Variants in DST observed in about 807,000 individuals in gnomAD.
DST encodes dystonin.
A neutral mutation model predicts 875.2 loss-of-function variants in DST; 253 were observed. The ratio of observed to expected loss-of-function variants is 0.29; its 90% CI spans 0.26 to 0.32. DST has a LOEUF of 0.32. DST is among the 10% of genes least tolerant of loss of function. The pLI is 1.00. For missense variants in DST, 8,287 were observed against 9,111.6 expected, an observed-to-expected ratio of 0.91 and a Z score of 3.68; for synonymous variants, 3,124 against 3,197.1, an observed-to-expected ratio of 0.98 and a Z score of 0.77.
At chr6:56,807,006 C>A (rs930001978) in intron 4 of DST, among the ~76,000 whole-genome samples, 1 of 152,056 alleles carries the variant, frequency 6.6e-6, no homozygotes, top group African/African-American at 2.4e-5. Context: ...ATATATACTA[C>A]GTTCATAGAT....
At chr6:56,624,386 T>C in intron 36 of DST, 144 bp downstream of exon 36, 1 of 707,622 alleles carries the variant, frequency 1.4e-6, no homozygotes, top group Non-Finnish European at 2.6e-6. Flanking sequence ...TCATTGTAAT[T>C]TTATAATTCA....
At chr6:56,786,853 A>G (rs2099706466) in intron 4 of DST, among the ~76,000 whole-genome samples, 1 of 152,186 alleles carries the variant, frequency 6.6e-6, no homozygotes, top group Non-Finnish European at 1.5e-5. Flanking sequence ...AGAACCTAGG[A>G]AGTGCCAAGT....
intron 2 of DST, among the ~76,000 whole-genome samples, chr6:56,933,933 G>C (rs555383346): frequency 3.9e-4 from 59 of 152,198 alleles, no homozygotes; most frequent in Non-Finnish European, 7.8e-4. Context: ...AAGGAAACCA[G>C]ATAACAGGCT....
At chr6:56,528,248 A>G (rs79355514) in intron 67 of DST, among the ~76,000 whole-genome samples, 9,073 of 152,140 alleles carry the variant, frequency 0.06, 415 homozygotes, top group African/African-American at 0.13. Flanking sequence ...TTGATTCTAC[A>G]TTTAATTTCT....
chr6:56,789,817 T>C (rs890223571), intron 4 of DST, among the ~76,000 whole-genome samples: 1 of 152,252 alleles, frequency 6.6e-6, no homozygotes. Context: ...TTCCATTGTA[T>C]GTACATACGA....
At chr6:56,904,182 T>C (rs1321663929) in intron 2 of DST, among the ~76,000 whole-genome samples, 1 of 152,222 alleles carries the variant, frequency 6.6e-6, no homozygotes, top group Non-Finnish European at 1.5e-5. Context: ...CACAATAGTG[T>C]ATTATTCATA....
chr6:56,556,662 C>T (rs535400082), intron 59 of DST, among the ~76,000 whole-genome samples: 1 of 152,278 alleles, frequency 6.6e-6, no homozygotes, highest in Non-Finnish European at 1.5e-5. Context: ...AGTACTCAGA[C>T]ATTAAAAAAC....
intron 80 of DST, among the ~76,000 whole-genome samples, chr6:56,499,477 A>G (rs866204353): frequency 3.3e-5 from 5 of 152,152 alleles, no homozygotes; most frequent in African/African-American, 9.6e-5. Flanking sequence ...AGAGTTCTAT[A>G]AAATTCATTC....
At chr6:56,823,217 A>G (rs2099775239) in intron 4 of DST, among the ~76,000 whole-genome samples, 2 of 152,092 alleles carry the variant, frequency 1.3e-5, no homozygotes, top group Admixed American at 6.5e-5. Flanking sequence ...GAATTTTGCC[A>G]TTGTTGTCTA....
chr6:56,781,418 T>G (rs1383884434), intron 4 of DST, among the ~76,000 whole-genome samples: 1 of 152,200 alleles, frequency 6.6e-6, no homozygotes, highest in African/African-American at 2.4e-5. Flanking sequence ...TTTGTAGTTC[T>G]CCTTGAAGAG....
intron 3 of DST, among the ~76,000 whole-genome samples, chr6:56,866,870 A>G (rs1467315479): frequency 6.6e-6 from 1 of 152,226 alleles, no homozygotes; most frequent in Non-Finnish European, 1.5e-5. Flanking sequence ...AAGCACCCAT[A>G]CTAACTAGCA....
intron 3 of DST, chr6:56,871,536 C>A (rs1562244202): frequency 3.9e-6 from 5 of 1,274,164 alleles, no homozygotes; most frequent in Non-Finnish European, 5.7e-6. Context: ...GGTCATTGAG[C>A]ATATCCAAAT....
chr6:56,908,000 C>T (rs1371797310), intron 2 of DST, among the ~76,000 whole-genome samples: 2 of 152,024 alleles, frequency 1.3e-5, no homozygotes, highest in African/African-American at 2.4e-5. Context: ...AGCCCAGGGG[C>T]GGAGGTTGCA....
rs2096471123 is a variant in DST at position 56,511,329 on chromosome 6, C to T, written c.18648G>A (p.Leu6216=). 1 of 1,608,322 alleles carries T rather than the reference C, an allele frequency of 6.2e-7. No individual in the cohort carries two copies. Among genetic ancestry groups the T allele is most frequent in the Non-Finnish European group, 8.5e-7 (1 of 1,177,256 alleles). ...AAAAGCCTTCCCCAGGGCTCAATTCCAGTAACTGTGGCCCAGTTTTGTTCA... is the reference window on the plus strand; with the variant it reads ...AAAAGCCTTCCCCAGGGCTCAATTCTAGTAACTGTGGCCCAGTTTTGTTCA... ...DKMNKTGPQL[L]ELSPGEGFSI... The change falls in exon 73 of 104, where the codon CTG becomes CTA. Residue 6216 remains leucine, a synonymous_variant. Transcript: ENST00000680361.
chr6:56,639,203 G>A (rs1158370355), intron 22 of DST, 56 bp downstream of exon 22: 1 of 1,405,098 alleles, frequency 7.1e-7, no homozygotes, highest in Non-Finnish European at 1.0e-6. Context: ...AAAAGAATCT[G>A]AAGGGAAATA....
At chr6:56,681,286 A>C (rs2099156216) in intron 9 of DST, among the ~76,000 whole-genome samples, 1 of 152,086 alleles carries the variant, frequency 6.6e-6, no homozygotes, top group Non-Finnish European at 1.5e-5. Flanking sequence ...AATTGGTAAC[A>C]CAGTCCTCTG....
intron 4 of DST, among the ~76,000 whole-genome samples, chr6:56,813,017 A>T (rs919162181): frequency 3.3e-5 from 5 of 152,192 alleles, no homozygotes; most frequent in Non-Finnish European, 7.4e-5. Context: ...GGATTAAGAA[A>T]ATGTGGCACA....
At chr6:56,638,895 G>A in intron 22 of DST, 2 of 323,296 alleles carry the variant, frequency 6.2e-6, no homozygotes, top group Non-Finnish European at 1.2e-5. Flanking sequence ...CTATGGATTA[G>A]AGGTAATCTC....
chr6:56,605,329 T>C lies in DST; in HGVS notation c.9299A>G (p.Asn3100Ser). 1 of 1,612,382 alleles carries C rather than the reference T, an allele frequency of 6.2e-7. No individual in the cohort carries two copies. The highest frequency in any genetic ancestry group is 8.5e-7 in the Non-Finnish European group (1 of 1,179,136). ...SQFPFPQITN[N>S]EELNQKGSLK... ...GCTTCCTTTCTGATTAAGTTCTTCATTGTTTGTGATTTGTGGAAATGGAAA... is the reference window on the plus strand; with the variant it reads ...GCTTCCTTTCTGATTAAGTTCTTCACTGTTTGTGATTTGTGGAAATGGAAA... The change falls in exon 40 of 104, where the codon AAT (asparagine) becomes AGT (serine). Residue 3100 changes from asparagine to serine, a missense_variant. By Grantham distance (46) the Asn-to-Ser change is conservative (BLOSUM62 1). Around this residue, in one of 10 missense-constraint regions of DST, gnomAD observed 3,138 missense variants for 3,116.6 expected, o/e 1.01. Coordinates refer to ENST00000680361, the MANE Select transcript of DST (RefSeq NM_001374736.1).
Sources: allele counts gnomAD v4.1 joint callset (sites outside exome capture counted in the v4.1 genomes callset), GRCh38; gene constraint gnomAD v4.1.1; regional missense constraint gnomAD v4.1.1; transcripts MANE v1.5; gene names NCBI Gene and HGNC (gene_info 2026-07-23, HGNC 2026-07-21).